The following TESPA1 variants were observed in gnomAD, a reference collection of about 807,000 sequenced individuals.
TESPA1 encodes thymocyte expressed, positive selection associated 1, also known as protein TESPA1.
Under a neutral mutation model 57.9 loss-of-function variants are expected in TESPA1, and 33 were observed. The observed-to-expected ratio is 0.57, with a 90% CI of 0.43 to 0.76. The LOEUF (loss-of-function observed/expected upper bound fraction) is 0.76, where lower values mean the gene tolerates loss of function less well. Ranked by LOEUF, TESPA1 falls within the 30% of genes least tolerant of loss-of-function variation. The probability of loss-of-function intolerance (pLI) is 0.00; values close to 1 mark genes in which losing one functional copy is unlikely to be tolerated. For missense variants in TESPA1, 618 were observed against 632.9 expected (o/e 0.98, Z 0.25); for synonymous variants, 227 against 228.9 (o/e 0.99, Z 0.07).
At chr12:54,967,262 C>T (rs1251311052) in intron 4 of TESPA1, 26 bp from the exon 5 acceptor site, 1 of 1,610,240 alleles carries the variant, frequency 6.2e-7, no homozygotes, top group African/African-American at 1.3e-5. Flanking sequence ...GTGAGGGTCA[C>T]AGAAAACCAG....
chr12:54,961,278 G>T lies in TESPA1; in HGVS notation c.1468-11C>A. 1 of 1,613,760 alleles carries T rather than the reference G, an allele frequency of 6.2e-7. No individual in the cohort carries two copies. Among genetic ancestry groups the T allele is most frequent in the Non-Finnish European group, 8.5e-7 (1 of 1,179,802 alleles). On this transcript the variant is annotated splice_polypyrimidine_tract_variant and intron_variant, in intron 9 of 10. Coordinates refer to ENST00000449076, the MANE Select transcript of TESPA1 (RefSeq NM_001136030.3). ...ACTGTTGCTTTGCACCTGTAACCAA[G>T]ATCCCACAGAACTCAGCCAGAGCCA...
intron 10 of TESPA1, among the ~76,000 whole-genome samples, chr12:54,960,425 C>T (rs995128822): frequency 1.2e-4 from 18 of 152,142 alleles, no homozygotes; most frequent in African/African-American, 4.3e-4. Context: ...GGGAGAGCTA[C>T]CTTCATCAGA....
rs771943591 is a variant in TESPA1, at chr12:54,962,415, C to T, written c.1467+16G>A. 1.9e-6 allele frequency: 3 copies of T among 1,606,626 alleles called. No individual in the cohort carries two copies. The South Asian group carries it at 3.3e-5, about 18-fold the overall frequency. ...CCTTTCTCTGCCAGTCTCTCCCTCA[C>T]CTCCAACCCACTTACCTCCTCCAAG... On this transcript the variant is annotated intron_variant, in intron 9 of 10. Transcript: ENST00000449076.
At chr12:54,976,564 G>A (rs146672480) in intron 1 of TESPA1, among the ~76,000 whole-genome samples, 1 of 152,034 alleles carries the variant, frequency 6.6e-6, no homozygotes, top group Non-Finnish European at 1.5e-5. Flanking sequence ...GAGGGAGGGA[G>A]GGAGGGAGGA....
At chr12:54,980,728 CT>C (rs1482655082) in intron 1 of TESPA1, among the ~76,000 whole-genome samples, 2 of 152,186 alleles carry the variant, frequency 1.3e-5, no homozygotes, top group African/African-American at 2.4e-5. Flanking sequence ...AATATCAGCT[CT>C]GCTTACAGAT....
At chr12:54,977,216 G>A (rs762686461) in intron 1 of TESPA1, among the ~76,000 whole-genome samples, 50 of 152,104 alleles carry the variant, frequency 3.3e-4, no homozygotes, top group Non-Finnish European at 6.0e-4. Context: ...GCCTAAAACA[G>A]AATCTCACAC....
chr12:54,968,217 C>T (rs1481490301), intron 3 of TESPA1, among the ~76,000 whole-genome samples: 3 of 152,258 alleles, frequency 2.0e-5, no homozygotes, highest in Non-Finnish European at 4.4e-5. Flanking sequence ...TGAAGCAAAA[C>T]GGGAGAATTA....
chr12:54,962,661 G>A lies in TESPA1; in HGVS notation c.1237C>T (p.Leu413=). 2.5e-6 allele frequency: 4 copies of A among 1,613,926 alleles called. No individual in the cohort carries two copies. Among genetic ancestry groups the A allele is most frequent in the South Asian group, 2.2e-5 (2 of 91,078 alleles). The change falls in exon 9 of 11, where the codon CTG becomes TTG. Residue 413 remains leucine, a synonymous_variant. Coordinates refer to ENST00000449076, the MANE Select transcript of TESPA1 (RefSeq NM_001136030.3). ...GTATTGGTGGCTGGTAGACTACACA[G>A]CTCTCTCCTTATCTGAGCTGGGTCT... ...STDPAQIRRE[L]CSLPATNTET...
chr12:54,967,963 C>T (rs767531570), intron 3 of TESPA1, 71 bp from the exon 4 acceptor site: 3 of 1,605,306 alleles, frequency 1.9e-6, no homozygotes, highest in Non-Finnish European at 2.6e-6. Flanking sequence ...CATGGAAAAA[C>T]TCACACATAT....
At chr12:54,957,134 T>C (rs1950784047) in intron 10 of TESPA1, among the ~76,000 whole-genome samples, 1 of 152,124 alleles carries the variant, frequency 6.6e-6, no homozygotes, top group Admixed American at 6.5e-5. Context: ...TGGAGCTCGC[T>C]CTTAGAAGAT....
At chr12:54,963,654 G>C (rs1056965097) in intron 8 of TESPA1, 88 bp downstream of exon 8, 1 of 1,408,230 alleles carries the variant, frequency 7.1e-7, no homozygotes, top group African/African-American at 1.4e-5. Flanking sequence ...AGATAACCAA[G>C]AGAAAGCAGG....
intron 10 of TESPA1, among the ~76,000 whole-genome samples, chr12:54,952,683 A>T (rs1403838000): frequency 6.6e-6 from 1 of 152,248 alleles, no homozygotes; most frequent in Non-Finnish European, 1.5e-5. Flanking sequence ...CTTCTCAAAT[A>T]GTCTTTGGAC....
chr12:54,956,936 G>A (rs1950770365), intron 10 of TESPA1, among the ~76,000 whole-genome samples: 1 of 152,084 alleles, frequency 6.6e-6, no homozygotes, highest in African/African-American at 2.4e-5. Context: ...CCACAATAGT[G>A]ACATTAATCC....
intron 3 of TESPA1, among the ~76,000 whole-genome samples, chr12:54,972,880 T>A (rs991274338): frequency 4.6e-5 from 7 of 152,168 alleles, no homozygotes; most frequent in East Asian, 1.9e-4. Context: ...ACTAAATAGA[T>A]CACAGAATTC....
In TESPA1 at chr12:54,949,613, C is replaced by T. The variant is rs745910614; in HGVS notation, c.*779G>A. ...AAAGCAAACTACAGCTGTTAGTTAA[C>T]TTTAAAAACATGCCATGATTTAAAA... On this transcript the variant is annotated 3_prime_UTR_variant, in exon 11 of 11. Transcript: ENST00000449076. 1.3e-5 allele frequency: 2 copies of T among 152,388 alleles called. No individual in the cohort carries two copies. The highest frequency in any genetic ancestry group is 1.5e-5 in the Non-Finnish European group (1 of 68,026). 9.4% of individuals were successfully genotyped at this position (152,388 alleles called of 1,614,324 possible).
At position 54,973,620 on chromosome 12, in the gene TESPA1, G is replaced by GT; in HGVS notation, c.164-102dup. ...ACAAGTTTATTCTTACATAAGCTGC[G>GT]TCATGAATCTTTTTTTCTACATAAA... On this transcript the variant is annotated intron_variant, in intron 2 of 10. Transcript: ENST00000449076. The GT allele has an allele frequency of 1.9e-6, 3 of 1,586,144 alleles. No individual in the cohort carries two copies. The South Asian group carries it at 3.4e-5, about 18-fold the overall frequency.
intron 9 of TESPA1, among the ~76,000 whole-genome samples, 157 bp from the exon 10 acceptor site, chr12:54,961,424 G>A (rs762837051): frequency 6.6e-6 from 1 of 152,208 alleles, no homozygotes; most frequent in Non-Finnish European, 1.5e-5. Context: ...GAAGGCAGGA[G>A]CGGAGGTGTA....
rs577047409 is a variant in TESPA1, at chr12:54,974,380, G to A, written c.163+20C>T. On this transcript the variant is annotated intron_variant, in intron 2 of 10. Coordinates refer to ENST00000449076, the MANE Select transcript of TESPA1 (RefSeq NM_001136030.3). Reference sequence around the variant, plus strand: ...TTGCCGCCAGACAACATAGACGCCTGTCTGATGTTCGTCTCTTACCTTCTT... The same window carrying A: ...TTGCCGCCAGACAACATAGACGCCTATCTGATGTTCGTCTCTTACCTTCTT... The A allele has an allele frequency of 9.5e-6, 15 of 1,575,202 alleles. No homozygotes were observed. In the East Asian group the frequency reaches 3.5e-4, roughly 36 times the overall value.
At chr12:54,965,181 T>C (rs1196778295) in intron 7 of TESPA1, among the ~76,000 whole-genome samples, 3 of 152,222 alleles carry the variant, frequency 2.0e-5, no homozygotes, top group African/African-American at 7.2e-5. Flanking sequence ...ATCTTTTCTT[T>C]TTTTATTTTC....
Sources: allele counts gnomAD v4.1 joint callset (sites outside exome capture counted in the v4.1 genomes callset), GRCh38; gene constraint gnomAD v4.1.1; transcripts MANE v1.5; gene names NCBI Gene and HGNC (gene_info 2026-07-23, HGNC 2026-07-21).